Variants in IQSEC1 observed in about 807,000 individuals in gnomAD.
IQSEC1 encodes the protein IQ motif and Sec7 domain ArfGEF 1, also known as IQ motif and SEC7 domain-containing protein 1.
A neutral mutation model predicts 91.0 loss-of-function variants in IQSEC1; 31 were observed. That is an observed-to-expected ratio of 0.34 (90% CI 0.26 to 0.46). The LOEUF is 0.46. IQSEC1 is among the 20% of genes least tolerant of loss of function. The pLI is 1.00. For missense variants in IQSEC1, 1,388 were observed against 1,575.6 expected, an observed-to-expected ratio of 0.88 and a Z score of 2.02; for synonymous variants, 699 against 662.6, an observed-to-expected ratio of 1.05 and a Z score of -0.84.
rs114068832 is a variant in IQSEC1 at position 12,899,582 on chromosome 3, G to A, written c.*1401C>T. The stretch of plus-strand genomic sequence containing the variant: ...GCCCTGGCAGCTCACTGGACCATGG[G>A]AAGGCAGCGGGGGCTCCGCCGGGCA... On this transcript the variant is annotated 3_prime_UTR_variant, in exon 14 of 14. Coordinates refer to ENST00000613206, the MANE Select transcript of IQSEC1 (RefSeq NM_001134382.3). 59,708 of 1,469,720 alleles carry A rather than the reference G, an allele frequency of 0.041. 1,485 individuals carry two copies. The highest frequency in any genetic ancestry group is 0.065 in the Middle Eastern group (364 of 5,598). 91.0% of individuals were successfully genotyped at this position (1,469,720 alleles called of 1,614,324 possible).
chr3:13,171,589 T>C (rs1442813542), intron 1 of IQSEC1, among the ~76,000 whole-genome samples: 1 of 152,168 alleles, frequency 6.6e-6, no homozygotes. Context: ...TCAAAATAGG[T>C]ACCCGAAGAC....
intron 1 of IQSEC1, among the ~76,000 whole-genome samples, chr3:13,062,845 A>C (rs1705113511): frequency 1.3e-5 from 2 of 152,178 alleles, no homozygotes; most frequent in Non-Finnish European, 2.9e-5. Context: ...AGCAGATGTC[A>C]GGGACATCTT....
chr3:13,036,750 G>A (rs1443756730), intron 1 of IQSEC1, among the ~76,000 whole-genome samples: 1 of 152,206 alleles, frequency 6.6e-6, no homozygotes, highest in African/African-American at 2.4e-5. Context: ...TGGGGAGCTT[G>A]TCCCAAAGTG....
intron 1 of IQSEC1, among the ~76,000 whole-genome samples, chr3:12,993,892 G>A (rs1702106388): frequency 6.6e-6 from 1 of 152,066 alleles, no homozygotes; most frequent in Non-Finnish European, 1.5e-5. Flanking sequence ...CGCGAAGCCC[G>A]CCGCGATCCC....
chr3:13,097,553 G>T (rs1395724250), intron 2 of IQSEC1, among the ~76,000 whole-genome samples: 2 of 152,148 alleles, frequency 1.3e-5, no homozygotes, highest in African/African-American at 4.8e-5. Flanking sequence ...ACCGGGGCTG[G>T]GCCCCTCAGC....
At chr3:13,154,889 CCAATAGGTCA>C (rs1707061797) in intron 2 of IQSEC1, among the ~76,000 whole-genome samples, 1 of 100,728 alleles carries the variant, frequency 9.9e-6, no homozygotes, top group Non-Finnish European at 2.0e-5. Context: ...AAGAGAAAGA[CCAATAGGTCA>C]AAAGAGAAAT....
intron 1 of IQSEC1, among the ~76,000 whole-genome samples, chr3:13,249,853 C>A (rs1425255801): frequency 2.0e-5 from 3 of 152,242 alleles, no homozygotes; most frequent in Non-Finnish European, 4.4e-5. Flanking sequence ...TGATTCCAGG[C>A]ACTCAGCCAT....
intron 5 of IQSEC1, among the ~76,000 whole-genome samples, chr3:12,920,841 C>T (rs901221133): frequency 3.3e-5 from 5 of 152,178 alleles, no homozygotes; most frequent in African/African-American, 4.8e-5. Context: ...TCCCAGCTCC[C>T]GGGAGCTCAG....
At chr3:13,150,576 C>T (rs772507789) in intron 2 of IQSEC1, among the ~76,000 whole-genome samples, 6 of 152,098 alleles carry the variant, frequency 3.9e-5, no homozygotes, top group African/African-American at 9.7e-5. Context: ...GGGGAAGAGT[C>T]GGGGCAGCAG....
At chr3:13,248,480 G>C (rs1182920568) in intron 1 of IQSEC1, among the ~76,000 whole-genome samples, 1 of 152,088 alleles carries the variant, frequency 6.6e-6, no homozygotes, top group African/African-American at 2.4e-5. Context: ...TCCCCTGAGA[G>C]AACGTGGAAT....
chr3:13,138,716 G>A (rs1054732712), intron 2 of IQSEC1, among the ~76,000 whole-genome samples: 1 of 152,000 alleles, frequency 6.6e-6, no homozygotes, highest in Non-Finnish European at 1.5e-5. Context: ...CCCCAGGAAG[G>A]CCCCGTTTCT....
chr3:13,042,574 C>T (rs1419948157), intron 1 of IQSEC1: 1 of 152,536 alleles, frequency 6.6e-6, no homozygotes, highest in East Asian at 1.9e-4. Flanking sequence ...GCAACTCATT[C>T]ACGCAGCTCG....
chr3:13,099,994 G>A (rs1559254954), intron 2 of IQSEC1, among the ~76,000 whole-genome samples: 1 of 149,792 alleles, frequency 6.7e-6, no homozygotes, highest in Non-Finnish European at 1.5e-5. Flanking sequence ...CGGGGACAGT[G>A]GGACAGGCCT....
At position 13,193,536 on chromosome 3, in the gene IQSEC1, G is replaced by A. The variant is rs1285830729; in HGVS notation, c.273-29403C>T. The stretch of plus-strand genomic sequence containing the variant: ...ACAGAGGGGACGAAGAGGAGTGCCA[G>A]CCCAGGCCGCCAGGGTGACAGGAAG... On this transcript the variant is annotated intron_variant, in intron 1 of 15. Coordinates refer to the IQSEC1 transcript ENST00000648114. The surrounding 1 kb of genome is among the most constrained non-coding windows in gnomAD (Gnocchi z 4.2). Among the ~76,000 whole-genome samples, 7 of 152,178 alleles carry A rather than the reference G, an allele frequency of 4.6e-5. No individual in the cohort carries two copies. Among genetic ancestry groups the A allele is most frequent in the Non-Finnish European group, 8.8e-5 (6 of 68,028 alleles).
intron 1 of IQSEC1, among the ~76,000 whole-genome samples, chr3:12,962,471 A>C (rs919706173): frequency 6.0e-5 from 9 of 151,124 alleles, no homozygotes; most frequent in Non-Finnish European, 1.3e-4. Context: ...AATGAGGAGG[A>C]CTCCTCCCAG....
intron 1 of IQSEC1, among the ~76,000 whole-genome samples, chr3:13,072,552 G>C (rs972744136): frequency 5.9e-5 from 9 of 152,214 alleles, no homozygotes; most frequent in Non-Finnish European, 1.2e-4. Context: ...ACCTGCCCTT[G>C]GAGGACGCAG....
chr3:13,175,386 C>T (rs1693707119), intron 1 of IQSEC1, among the ~76,000 whole-genome samples: 1 of 152,200 alleles, frequency 6.6e-6, no homozygotes, highest in South Asian at 2.1e-4. Flanking sequence ...GCCCAAGTTT[C>T]CTGGGCTGCA....
At chr3:13,091,217 C>T (rs570030224) in intron 2 of IQSEC1, among the ~76,000 whole-genome samples, 74 of 152,324 alleles carry the variant, frequency 4.9e-4, no homozygotes, top group Admixed American at 2.5e-3. Flanking sequence ...GCCTTGACCC[C>T]GTCACCACTC....
intron 3 of IQSEC1, among the ~76,000 whole-genome samples, chr3:12,929,236 G>A (rs1214571156): frequency 2.6e-5 from 4 of 152,168 alleles, no homozygotes; most frequent in Middle Eastern, 3.2e-3. Context: ...CCATGAGTTC[G>A]TACTCATAAC....
Sources: allele counts gnomAD v4.1 joint callset (sites outside exome capture counted in the v4.1 genomes callset), GRCh38; gene constraint gnomAD v4.1.1; non-coding constraint Gnocchi (gnomAD v3.1); transcripts MANE v1.5; gene names NCBI Gene and HGNC (gene_info 2026-07-23, HGNC 2026-07-21).